The following NELL1 variants were observed in gnomAD, a reference collection of about 807,000 sequenced individuals.
The protein encoded by NELL1 is protein kinase C-binding protein NELL1.
In NELL1, 76 loss-of-function variants were observed where a neutral mutation model predicts 107.4. The observed-to-expected ratio is 0.71, with a 90% CI of 0.59 to 0.86. NELL1 has a LOEUF of 0.86. Ranked by LOEUF, NELL1 falls within the 40% of genes least tolerant of loss-of-function variation. The pLI is 0.00. For missense variants in NELL1, 1,024 were observed against 1,005.5 expected (o/e 1.02, Z -0.25); for synonymous variants, 353 against 341.2 (o/e 1.03, Z -0.38).
chr11:20,912,998 A>C (rs1393835341), intron 5 of NELL1, among the ~76,000 whole-genome samples: 1 of 152,184 alleles, frequency 6.6e-6, no homozygotes, highest in Non-Finnish European at 1.5e-5. Context: ...ATGAGCTGAC[A>C]GTTTTTATTG....
chr11:21,282,606 C>T (rs1326134800), intron 14 of NELL1, among the ~76,000 whole-genome samples: 1 of 151,692 alleles, frequency 6.6e-6, no homozygotes, highest in East Asian at 1.9e-4. Flanking sequence ...CTATGGAGAA[C>T]AGTTTGGAAG....
chr11:20,860,831 A>G (rs564198276), intron 4 of NELL1, among the ~76,000 whole-genome samples: 1 of 152,162 alleles, frequency 6.6e-6, no homozygotes, highest in East Asian at 1.9e-4. Context: ...AGTGGAGGAG[A>G]AGGTGATTTA....
intron 2 of NELL1, among the ~76,000 whole-genome samples, chr11:20,748,211 G>A (rs968156780): frequency 1.3e-5 from 2 of 152,064 alleles, no homozygotes; most frequent in African/African-American, 4.8e-5. Context: ...TCATTAGGTG[G>A]TCTTTGTGAT....
chr11:20,735,928 T>C (rs1590245374), intron 2 of NELL1, among the ~76,000 whole-genome samples: 1 of 152,154 alleles, frequency 6.6e-6, no homozygotes, highest in Non-Finnish European at 1.5e-5. Flanking sequence ...GTAGAGGGGT[T>C]GCTAATTGCA....
At chr11:20,725,854 A>G (rs1438573672) in intron 2 of NELL1, among the ~76,000 whole-genome samples, 1 of 152,208 alleles carries the variant, frequency 6.6e-6, no homozygotes, top group African/African-American at 2.4e-5. Context: ...CCCATCATCC[A>G]AGTAGTGAGC....
At chr11:21,091,555 G>A (rs1383028571) in intron 12 of NELL1, among the ~76,000 whole-genome samples, 1 of 152,126 alleles carries the variant, frequency 6.6e-6, no homozygotes, top group Non-Finnish European at 1.5e-5. Flanking sequence ...ATCTCACCAT[G>A]CTTCTAATTT....
At chr11:20,969,078 T>C (rs1851442432) in intron 12 of NELL1, among the ~76,000 whole-genome samples, 2 of 152,170 alleles carry the variant, frequency 1.3e-5, no homozygotes, top group South Asian at 4.1e-4. Flanking sequence ...ATTTCCTTTT[T>C]CCCATAAATG....
intron 14 of NELL1, among the ~76,000 whole-genome samples, chr11:21,264,463 A>T (rs1310922508): frequency 1.3e-5 from 2 of 151,840 alleles, no homozygotes; most frequent in Admixed American, 1.3e-4. Context: ...GCTGGAGGGA[A>T]TCTTTTTGAG....
intron 15 of NELL1, among the ~76,000 whole-genome samples, chr11:21,477,333 C>CAG (rs368610675): frequency 2.2e-4 from 33 of 151,394 alleles, no homozygotes; most frequent in African/African-American, 4.8e-4. Flanking sequence ...GAGCTTAGCA[C>CAG]AGAGAGAGAG....
At chr11:21,515,179 G>A (rs1855526425) in intron 15 of NELL1, among the ~76,000 whole-genome samples, 1 of 152,146 alleles carries the variant, frequency 6.6e-6, no homozygotes, top group Admixed American at 6.5e-5. Context: ...AGACCTTCAT[G>A]TGGTCCTCAA....
rs1854091422 is a variant in NELL1, at chr11:21,074,639, T to C, written c.1301-38950T>C. ...AATGCTAGGTTCAGTCCTCCAGAGA[T>C]ACTGATTTAATTAGCCTTGGGTGGA... On this transcript the variant is annotated intron_variant, in intron 12 of 19. Coordinates refer to ENST00000357134, the MANE Select transcript of NELL1 (RefSeq NM_006157.5). Among the ~76,000 whole-genome samples, 3 of 150,208 alleles carry C rather than the reference T, an allele frequency of 2.0e-5. No individual in the cohort carries two copies. In the South Asian group the frequency reaches 6.3e-4, roughly 32 times the overall value.
chr11:20,840,050 G>T (rs1174021453), intron 3 of NELL1, among the ~76,000 whole-genome samples: 2 of 152,100 alleles, frequency 1.3e-5, no homozygotes, highest in Non-Finnish European at 2.9e-5. Context: ...TAGTCCTAAG[G>T]TATTTATTTC....
At chr11:21,040,418 G>A (rs1346995632) in intron 12 of NELL1, among the ~76,000 whole-genome samples, 1 of 152,062 alleles carries the variant, frequency 6.6e-6, no homozygotes, top group Non-Finnish European at 1.5e-5. Context: ...TTAAGTAGTT[G>A]TATGCAAATG....
At position 20,976,162 on chromosome 11, in the gene NELL1, CATT is replaced by C. The variant is rs1009197914; in HGVS notation, c.1300+15605_1300+15607del. ...GTACACACATGTATATATATACACACATTATATCTGTACATATATATGTTTATA... is the reference window on the plus strand; with the variant it reads ...GTACACACATGTATATATATACACACATATCTGTACATATATATGTTTATA... On this transcript the variant is annotated intron_variant, in intron 12 of 19. Transcript: ENST00000357134. Among the ~76,000 whole-genome samples, 25 of 106,780 alleles carry C rather than the reference CATT, an allele frequency of 2.3e-4. 2 individuals are homozygous for C. Among genetic ancestry groups the C allele is most frequent in the African/African-American group, 4.8e-4 (12 of 24,980 alleles). 70.1% of individuals were successfully genotyped at this position (106,780 alleles called of 152,430 possible).
intron 2 of NELL1, among the ~76,000 whole-genome samples, chr11:20,693,520 T>G (rs373352657): frequency 3.0e-4 from 46 of 152,258 alleles, no homozygotes; most frequent in African/African-American, 9.1e-4. Flanking sequence ...GTCTGTAAAG[T>G]ATTTTATTTC....
At chr11:20,940,015 A>G (rs1850815172) in intron 10 of NELL1, among the ~76,000 whole-genome samples, 1 of 152,130 alleles carries the variant, frequency 6.6e-6, no homozygotes, top group Non-Finnish European at 1.5e-5. Context: ...TGCAATTGCA[A>G]TCTGGTGGCT....
chr11:20,906,327 A>G (rs1483084967), intron 5 of NELL1, among the ~76,000 whole-genome samples: 8 of 152,154 alleles, frequency 5.3e-5, no homozygotes, highest in Admixed American at 5.2e-4. Context: ...AGAGACTTAT[A>G]ATAAGTAAAG....
At chr11:20,904,721 G>A (rs145964722) in intron 5 of NELL1, among the ~76,000 whole-genome samples, 92 of 152,172 alleles carry the variant, frequency 6.0e-4, no homozygotes, top group African/African-American at 2.0e-3. Flanking sequence ...GTCCCAGCAC[G>A]GAGAAAATCT....
chr11:21,500,951 C>G (rs1855124280), intron 15 of NELL1, among the ~76,000 whole-genome samples: 1 of 152,084 alleles, frequency 6.6e-6, no homozygotes, highest in South Asian at 2.1e-4. Context: ...ATGCTGTGTT[C>G]TGATATCCAG....
Sources: gnomAD v4.1 joint callset for allele counts (sites outside exome capture counted in the v4.1 genomes callset) on GRCh38, gnomAD v4.1.1 for gene constraint, MANE v1.5 for transcripts, NCBI Gene and HGNC (gene_info 2026-07-23, HGNC 2026-07-21) for gene names.